The following ROR2 variants were observed in gnomAD, a reference collection of about 807,000 sequenced individuals.
ROR2 encodes the protein ROR family WNT receptor 2, also known as tyrosine-protein kinase transmembrane receptor ROR2.
A neutral mutation model predicts 74.9 loss-of-function variants in ROR2; 33 were observed. The observed-to-expected ratio is 0.44, with a 90% confidence interval of 0.33 to 0.59. The LOEUF (loss-of-function observed/expected upper bound fraction) is 0.59. Ranked by LOEUF, ROR2 falls within the 20% of genes least tolerant of loss-of-function variation. The probability of loss-of-function intolerance (pLI) is 0.02; values close to 1 mark genes in which losing one functional copy is unlikely to be tolerated. For synonymous variants in ROR2, 586 were observed against 558.7 expected (o/e 1.05, Z -0.69); for missense variants, 1,216 against 1,313.8 (o/e 0.93, Z 1.15).
chr9:91,930,303 T>A (rs1831516704), intron 1 of ROR2, among the ~76,000 whole-genome samples: 1 of 152,226 alleles, frequency 6.6e-6, no homozygotes. Flanking sequence ...AAGACTCAAC[T>A]TTTTAGTCAC....
rs146176949 is a variant in ROR2 at position 91,922,601 on chromosome 9, G to A, written c.97+27266C>T. Reference sequence around the variant, plus strand: ...CCGAAGTAGCTGGGACTACAGGCGCGTACCACCATGCCCGGCTAATTTTTT... The same window carrying A: ...CCGAAGTAGCTGGGACTACAGGCGCATACCACCATGCCCGGCTAATTTTTT... On this transcript the variant is annotated intron_variant, in intron 1 of 8. Transcript: ENST00000375708. Among the ~76,000 whole-genome samples, 439 of 152,082 alleles carry A rather than the reference G, an allele frequency of 2.9e-3. 1 individual carries two copies. The highest frequency in any genetic ancestry group is 0.01 in the African/African-American group (419 of 41,484).
chr9:91,806,095 G>A (rs71494482), intron 1 of ROR2, among the ~76,000 whole-genome samples: 1 of 152,210 alleles, frequency 6.6e-6, no homozygotes, highest in African/African-American at 2.4e-5. Context: ...TTCGGGTGTG[G>A]AGGGCTGAAG....
At chr9:91,817,152 G>A (rs932647035) in intron 1 of ROR2, among the ~76,000 whole-genome samples, 1 of 152,158 alleles carries the variant, frequency 6.6e-6, no homozygotes, top group Admixed American at 6.5e-5. Context: ...CAACCCCAGG[G>A]GCTCAGTGCT....
chr9:91,812,211 A>T (rs1435820990), intron 1 of ROR2, among the ~76,000 whole-genome samples: 4 of 146,430 alleles, frequency 2.7e-5, no homozygotes, highest in Admixed American at 6.8e-5. Context: ...TCTCTGCTGA[A>T]ATCTACACAA....
intron 1 of ROR2, chr9:91,887,196 C>T (rs1287071616): frequency 6.6e-6 from 1 of 152,088 alleles, no homozygotes; most frequent in Non-Finnish European, 1.5e-5. Context: ...AAGTTGCCAT[C>T]GGTTTTATAG....
At chr9:91,793,998 G>GC (rs1261260085) in intron 1 of ROR2, among the ~76,000 whole-genome samples, 1 of 152,172 alleles carries the variant, frequency 6.6e-6, no homozygotes. Flanking sequence ...AACCAGCCAT[G>GC]TGCCTATGCA....
chr9:91,840,896 GT>G (rs1563993018), intron 1 of ROR2, among the ~76,000 whole-genome samples: 1 of 152,254 alleles, frequency 6.6e-6, no homozygotes. Context: ...GCATGCATTT[GT>G]TGTATCCTAT....
chr9:91,902,723 A>G, intron 1 of ROR2, among the ~76,000 whole-genome samples: 1 of 152,230 alleles, frequency 6.6e-6, no homozygotes, highest in East Asian at 1.9e-4. Context: ...CATGGAGTTA[A>G]TATGTAAACA....
chr9:91,919,387 T>G (rs1831212663), intron 1 of ROR2, among the ~76,000 whole-genome samples: 1 of 152,110 alleles, frequency 6.6e-6, no homozygotes, highest in African/African-American at 2.4e-5. Flanking sequence ...CAGGATAAAT[T>G]CACATCAAAG....
At position 91,822,865 on chromosome 9, in the gene ROR2, A is replaced by G. The variant is rs138330335; in HGVS notation, c.98-47047T>C. Reference sequence around the variant, plus strand: ...CAGCCAGACGTGCACAGCTTCTCCAATAAGTCTTCTGGCCACAGACGCAGA... The same window carrying G: ...CAGCCAGACGTGCACAGCTTCTCCAGTAAGTCTTCTGGCCACAGACGCAGA... On this transcript the variant is annotated intron_variant, in intron 1 of 8. Transcript: ENST00000375708. Among the ~76,000 whole-genome samples the G allele has an allele frequency of 2.4e-3, 367 of 152,338 alleles. 1 individual carries two copies. Among genetic ancestry groups the G allele is most frequent in the African/African-American group, 8.2e-3 (343 of 41,578 alleles).
At chr9:91,854,501 T>C (rs1413491249) in intron 1 of ROR2, among the ~76,000 whole-genome samples, 1 of 152,214 alleles carries the variant, frequency 6.6e-6, no homozygotes, top group Non-Finnish European at 1.5e-5. Context: ...CACTGCAAGG[T>C]AATGAGGCAG....
intron 4 of ROR2, among the ~76,000 whole-genome samples, chr9:91,752,241 C>G (rs979846455): frequency 2.0e-5 from 3 of 152,188 alleles, no homozygotes; most frequent in Non-Finnish European, 2.9e-5. Flanking sequence ...CTAGTTAACA[C>G]TAACAGAAAT....
intron 1 of ROR2, among the ~76,000 whole-genome samples, chr9:91,916,145 T>C (rs1251320531): frequency 6.6e-6 from 1 of 152,178 alleles, no homozygotes; most frequent in Admixed American, 6.5e-5. Flanking sequence ...GAGGGAAGGG[T>C]GATTCTGCTC....
chr9:91,723,418 G>A lies in ROR2; in HGVS notation c.*244C>T, dbSNP rs1836865030. ...TGTATACAGCCCTGGGGATGACCAT[G>A]TGTCCTGCTCCCCAGGACGCCGTGC... On this transcript the variant is annotated 3_prime_UTR_variant, in exon 9 of 9. Coordinates refer to ENST00000375708, the MANE Select transcript of ROR2 (RefSeq NM_004560.4). 1.7e-6 allele frequency: 1 copy of A among 579,740 alleles called. No homozygotes were observed. The highest frequency in any genetic ancestry group is 3.0e-5 in the Admixed American group (1 of 32,938). The allele number at this position is 579,740 out of a possible 1,614,324, so 35.9% of individuals were successfully genotyped here.
intron 4 of ROR2, among the ~76,000 whole-genome samples, chr9:91,746,853 A>G (rs1825436129): frequency 9.2e-6 from 1 of 108,686 alleles, no homozygotes; most frequent in South Asian, 3.3e-4. Flanking sequence ...ACTTTCCTTG[A>G]GCAGGTGTGT....
At position 91,878,991 on chromosome 9, in the gene ROR2, G is replaced by A. The variant is rs1378182191; in HGVS notation, c.97+70876C>T. On this transcript the variant is annotated intron_variant, in intron 1 of 8. Coordinates refer to ENST00000375708, the MANE Select transcript of ROR2 (RefSeq NM_004560.4). ...CGGGAGGCGGAGCTTGCAGTGAGCC[G>A]AGATCGCGCCACTGCACTCCAGCCT... Among the ~76,000 whole-genome samples, 4 of 151,834 alleles carry A rather than the reference G, an allele frequency of 2.6e-5. No individual in the cohort carries two copies. In the East Asian group the frequency reaches 5.8e-4, roughly 22 times the overall value.
intron 1 of ROR2, among the ~76,000 whole-genome samples, chr9:91,929,042 A>C (rs146579092): frequency 6.6e-6 from 1 of 152,346 alleles, no homozygotes; most frequent in East Asian, 1.9e-4. Flanking sequence ...TCGAGCAAGG[A>C]AGCATGGGCA....
intron 1 of ROR2, among the ~76,000 whole-genome samples, chr9:91,872,849 T>C (rs965717751): frequency 6.6e-6 from 1 of 152,036 alleles, no homozygotes; most frequent in Admixed American, 6.6e-5. Context: ...TGGGGAAAAG[T>C]AAAGGCACCC....
At chr9:91,918,193 G>C (rs1437297874) in intron 1 of ROR2, among the ~76,000 whole-genome samples, 1 of 151,462 alleles carries the variant, frequency 6.6e-6, no homozygotes, top group Non-Finnish European at 1.5e-5. Flanking sequence ...GTGTGAATCC[G>C]GGAGGCGGAG....
Sources: allele counts gnomAD v4.1 joint callset (sites outside exome capture counted in the v4.1 genomes callset), GRCh38; gene constraint gnomAD v4.1.1; transcripts MANE v1.5; gene names NCBI Gene and HGNC (gene_info 2026-07-23, HGNC 2026-07-21).